CNTLN: variants seen among roughly 807,000 people sequenced by gnomAD.
CNTLN encodes centlein, centrosomal protein.
A neutral mutation model predicts 180.0 loss-of-function variants in CNTLN; 212 were observed. The observed-to-expected ratio is 1.18, with a 90% CI of 1.05 to 1.32. The LOEUF (loss-of-function observed/expected upper bound fraction) is 1.32. Among genes scored for constraint, CNTLN ranks in the 40% most tolerant of loss-of-function variants. CNTLN has a pLI of 0.00. For missense variants in CNTLN, 2,095 were observed against 1,610.9 expected (o/e 1.30, Z -5.14); for synonymous variants, 722 against 563.1 (o/e 1.28, Z -3.99).
At chr9:17,239,959 A>T (rs757116319) in intron 5 of CNTLN, among the ~76,000 whole-genome samples, 1 of 152,134 alleles carries the variant, frequency 6.6e-6, no homozygotes, top group Non-Finnish European at 1.5e-5. Flanking sequence ...TTGTATTTTC[A>T]TATGAATTTT....
At chr9:17,450,111 C>A (rs1223094902) in intron 18 of CNTLN, among the ~76,000 whole-genome samples, 5 of 152,138 alleles carry the variant, frequency 3.3e-5, no homozygotes, top group Admixed American at 2.0e-4. Context: ...ATGCAGATAT[C>A]CATATTTCTC....
At chr9:17,390,471 T>C (rs1289867854) in intron 14 of CNTLN, among the ~76,000 whole-genome samples, 1 of 152,044 alleles carries the variant, frequency 6.6e-6, no homozygotes, top group East Asian at 1.9e-4. Context: ...CTCGAACCCC[T>C]GGGTTCAACT....
chr9:17,235,847 A>G (rs1292309637), intron 4 of CNTLN, 55 bp downstream of exon 4: 1 of 1,539,566 alleles, frequency 6.5e-7, no homozygotes, highest in East Asian at 2.3e-5. Context: ...TTCTGCTTTA[A>G]GCTTTGTTAG....
chr9:17,398,679 C>A (rs545029734), intron 15 of CNTLN, among the ~76,000 whole-genome samples: 2 of 152,228 alleles, frequency 1.3e-5, no homozygotes, highest in South Asian at 4.1e-4. Context: ...TTGCCGCCTG[C>A]AAACTCAAGA....
intron 19 of CNTLN, among the ~76,000 whole-genome samples, chr9:17,461,474 T>C (rs1831444697): frequency 6.6e-6 from 1 of 151,728 alleles, no homozygotes; most frequent in Non-Finnish European, 1.5e-5. Context: ...CATGTTGAGG[T>C]AGCTTTGGGT....
At chr9:17,158,246 T>G (rs1373316814) in intron 2 of CNTLN, among the ~76,000 whole-genome samples, 1 of 152,146 alleles carries the variant, frequency 6.6e-6, no homozygotes, top group Non-Finnish European at 1.5e-5. Flanking sequence ...GTAGGATAAA[T>G]TCTTGGTCAT....
chr9:17,464,643 C>G lies in CNTLN; in HGVS notation c.3531+20C>G. On this transcript the variant is annotated intron_variant, in intron 21 of 25. Transcript: ENST00000380647. ...AAAAAGGTATCAATTTTTATCTTTA[C>G]TGACACTAAAAATATCACTTCCTGT... 1 of 1,360,596 alleles carries G rather than the reference C, an allele frequency of 7.3e-7. No homozygotes were observed. The highest frequency in any genetic ancestry group is 1.5e-5 in the South Asian group (1 of 68,836). The allele number at this position is 1,360,596 out of a possible 1,614,324, so 84.3% of individuals were successfully genotyped here.
chr9:17,452,762 G>C (rs1390518047), intron 18 of CNTLN, among the ~76,000 whole-genome samples: 1 of 152,128 alleles, frequency 6.6e-6, no homozygotes, highest in Non-Finnish European at 1.5e-5. Flanking sequence ...CAAATGTCAA[G>C]TTGGGGCCAC....
chr9:17,206,516 C>G (rs1822934239), intron 2 of CNTLN, among the ~76,000 whole-genome samples: 1 of 152,144 alleles, frequency 6.6e-6, no homozygotes, highest in South Asian at 2.1e-4. Flanking sequence ...CCTTGCAAAG[C>G]CATGGTGGGT....
chr9:17,248,480 T>C (rs1022338814), intron 5 of CNTLN, among the ~76,000 whole-genome samples: 2 of 150,258 alleles, frequency 1.3e-5, no homozygotes, highest in African/African-American at 4.9e-5. Flanking sequence ...TATTTGTCCA[T>C]TTTATCTAAA....
In CNTLN at chr9:17,482,082, G is replaced by A. The variant is rs116009915; in HGVS notation, c.3856-2213G>A. Among the ~76,000 whole-genome samples, 1,050 of 152,096 alleles carry A rather than the reference G, an allele frequency of 6.9e-3. 9 individuals carry two copies. Among genetic ancestry groups the A allele is most frequent in the African/African-American group, 0.024 (981 of 41,490 alleles). On this transcript the variant is annotated intron_variant, in intron 23 of 25. Transcript: ENST00000380647. ...CATAATCAAAGGAAAATAATAAAGCGCAAATAATTAACCCTAAGTAAATGA... is the reference window on the plus strand; with the variant it reads ...CATAATCAAAGGAAAATAATAAAGCACAAATAATTAACCCTAAGTAAATGA...
intron 5 of CNTLN, among the ~76,000 whole-genome samples, chr9:17,237,123 A>C (rs1429795704): frequency 6.6e-6 from 1 of 152,008 alleles, no homozygotes; most frequent in Non-Finnish European, 1.5e-5. Context: ...CAATCTTTAT[A>C]ATCTTATACC....
intron 18 of CNTLN, among the ~76,000 whole-genome samples, chr9:17,451,689 C>T (rs553891431): frequency 6.6e-6 from 1 of 152,306 alleles, no homozygotes; most frequent in Admixed American, 6.5e-5. Flanking sequence ...CCAGCTGTTT[C>T]CTCCATGGGC....
chr9:17,159,734 C>A, intron 2 of CNTLN, among the ~76,000 whole-genome samples: 1 of 152,112 alleles, frequency 6.6e-6, no homozygotes, highest in African/African-American at 2.4e-5. Context: ...GGAGACTACA[C>A]CGTGTTGAGC....
At chr9:17,295,827 G>A (rs2990958) in intron 6 of CNTLN, among the ~76,000 whole-genome samples, 26,673 of 151,998 alleles carry the variant, frequency 0.18, 2,631 homozygotes, top group South Asian at 0.28. Flanking sequence ...TATCTACATA[G>A]TATAAGAGTA....
intron 2 of CNTLN, among the ~76,000 whole-genome samples, chr9:17,208,747 G>A (rs552053957): frequency 4.6e-5 from 7 of 152,016 alleles, no homozygotes; most frequent in Non-Finnish European, 1.0e-4. Context: ...ATTTATCGGC[G>A]TATAGTTGCT....
intron 7 of CNTLN, among the ~76,000 whole-genome samples, chr9:17,302,982 A>G (rs1354246044): frequency 6.6e-6 from 1 of 152,244 alleles, no homozygotes; most frequent in African/African-American, 2.4e-5. Context: ...ATAATAGTTA[A>G]CATTTTTTAG....
At chr9:17,398,384 G>A (rs1202846807) in intron 15 of CNTLN, among the ~76,000 whole-genome samples, 3 of 152,120 alleles carry the variant, frequency 2.0e-5, no homozygotes, top group African/African-American at 7.2e-5. Flanking sequence ...CTTCAAAGCA[G>A]TATTTTTAGA....
At position 17,388,121 on chromosome 9, in the gene CNTLN, A is replaced by G. The variant is rs1223742237; in HGVS notation, c.1988-41A>G. ...TAAAATGACAGGACAGTATTTCAGC[A>G]GTACACGTGGTATCATAATATATTA... On this transcript the variant is annotated intron_variant, in intron 13 of 25. Coordinates refer to ENST00000380647, the MANE Select transcript of CNTLN (RefSeq NM_017738.4). 5 of 1,252,648 alleles carry G rather than the reference A, an allele frequency of 4.0e-6. No individual in the cohort carries two copies. The South Asian group carries it at 7.0e-5, about 18-fold the overall frequency. The allele number at this position is 1,252,648 out of a possible 1,614,324, so 77.6% of individuals were successfully genotyped here. A position where few individuals can be genotyped will look rare whatever the true frequency, so the allele number is the denominator to read the frequency against.
Sources: gnomAD v4.1 joint callset for allele counts (sites outside exome capture counted in the v4.1 genomes callset) on GRCh38, gnomAD v4.1.1 for gene constraint, MANE v1.5 for transcripts, NCBI Gene and HGNC (gene_info 2026-07-23, HGNC 2026-07-21) for gene names.